ECT2: variants seen among roughly 807,000 people sequenced by gnomAD.
The protein encoded by ECT2 is protein ECT2.
Under a neutral mutation model 116.9 loss-of-function variants are expected in ECT2, and 61 were observed. That is an observed-to-expected ratio of 0.52 (90% confidence interval 0.42 to 0.65). ECT2 has a LOEUF of 0.65. ECT2 is among the 30% of genes least tolerant of loss of function. The pLI, the probability that ECT2 is intolerant of heterozygous loss-of-function variation, is 0.00. For missense variants in ECT2, 937 were observed against 1,078.7 expected (o/e 0.87, Z 1.84); for synonymous variants, 358 against 346.4 (o/e 1.03, Z -0.37).
intron 18 of ECT2, among the ~76,000 whole-genome samples, chr3:172,794,293 A>G (rs543327643): frequency 4.6e-5 from 7 of 152,332 alleles, no homozygotes; most frequent in African/African-American, 1.2e-4. Flanking sequence ...GGGGCATGGT[A>G]TAGATTGAAG....
Position 172,756,320 on chromosome 3 carries a change from G to A in ECT2, c.304-663G>A, listed in dbSNP as rs189587932. On this transcript the variant is annotated intron_variant, in intron 4 of 24. Transcript: ENST00000392692. ...AAAAATTTTTTTTTTAATTTAACAC[G>A]AGTTACAAGAGTTATATAGGTACTT... Among the ~76,000 whole-genome samples the A allele has an allele frequency of 3.6e-3, 542 of 151,968 alleles. 4 individuals are homozygous for A. The highest frequency in any genetic ancestry group is 0.012 in the African/African-American group (488 of 41,410).
chr3:172,819,403 A>G (rs1448812443), intron 24 of ECT2, among the ~76,000 whole-genome samples: 2 of 152,114 alleles, frequency 1.3e-5, no homozygotes, highest in African/African-American at 4.8e-5. Context: ...TTATTTTAAA[A>G]TTTTTAAGAC....
At chr3:172,828,829 C>T in the ECT2 span, 6 of 844,262 alleles carry the variant, frequency 7.1e-6, no homozygotes, top group Non-Finnish European at 1.2e-5. Context: ...AGAAGAGCTA[C>T]TGCCTGAGAG....
intron 18 of ECT2, among the ~76,000 whole-genome samples, chr3:172,802,285 T>G: frequency 6.6e-6 from 1 of 152,062 alleles, no homozygotes; most frequent in South Asian, 2.1e-4. Flanking sequence ...AGCTAATTTT[T>G]GTATTTTTAG....
chr3:172,767,314 G>A (rs1320421738), intron 12 of ECT2, among the ~76,000 whole-genome samples: 7 of 151,990 alleles, frequency 4.6e-5, no homozygotes, highest in African/African-American at 1.7e-4. Flanking sequence ...GGTGGTGTGC[G>A]CCTGTAATCC....
chr3:172,818,596 G>T, intron 24 of ECT2: 1 of 1,288,030 alleles, frequency 7.8e-7, no homozygotes, highest in South Asian at 1.2e-5. Flanking sequence ...TACTAAGCAT[G>T]TTTATGTTCA....
chr3:172,818,693 T>C, intron 24 of ECT2: 2 of 1,289,160 alleles, frequency 1.6e-6, no homozygotes, highest in Non-Finnish European at 2.0e-6. Context: ...TTTTCAGAGA[T>C]ACTAGAAGGA....
At chr3:172,828,969 A>T in the ECT2 span, 156 of 1,301,556 alleles carry the variant, frequency 1.2e-4, no homozygotes, top group African/African-American at 2.1e-3. Context: ...GCACCAATAA[A>T]TTGGTTGCTG....
intron 24 of ECT2, among the ~76,000 whole-genome samples, chr3:172,817,444 C>T (rs7650359): frequency 0.061 from 9,281 of 152,034 alleles, 952 homozygotes; most frequent in African/African-American, 0.21. Context: ...TGGCCTGTCA[C>T]TTTACTAATG....
chr3:172,812,556 A>G (rs1012123916), intron 22 of ECT2, among the ~76,000 whole-genome samples: 1 of 152,184 alleles, frequency 6.6e-6, no homozygotes, highest in African/African-American at 2.4e-5. Flanking sequence ...TTTATAGTTT[A>G]AAAATAAAAC....
chr3:172,788,962 G>T (rs914069226), intron 18 of ECT2, among the ~76,000 whole-genome samples: 1 of 150,634 alleles, frequency 6.6e-6, no homozygotes, highest in African/African-American at 2.4e-5. Context: ...GGAGGCTGAG[G>T]CATGAGAATC....
Position 172,764,399 on chromosome 3 carries a change from C to T in ECT2, c.1190C>T (p.Ser397Leu). 3 of 1,614,152 alleles carry T rather than the reference C, an allele frequency of 1.9e-6. No homozygotes were observed. In the East Asian group the frequency reaches 6.7e-5, roughly 36 times the overall value. The change falls in exon 12 of 25, where the codon TCA (serine) becomes TTA (leucine). Residue 397 changes from serine (S) to leucine (L), a missense_variant. Ser to Leu is a moderately radical substitution (Grantham distance 145). Transcript: ENST00000392692. ...LAQLSRETDV[S>L]PFPPRKRPSA... ...CAGCTTTCAAGAGAGACAGACGTGT[C>T]ACCATTTCCACCCCGTAAGCGCCCA...
rs1380115690 is a variant in ECT2 at position 172,782,168 on chromosome 3, T to C, written c.1554T>C (p.Asp518=). The change falls in exon 15 of 25, where the codon GAT becomes GAC. Residue 518 remains aspartate (D), a synonymous_variant. Coordinates refer to ENST00000392692, the MANE Select transcript of ECT2 (RefSeq NM_001258315.2). ...IFDVHTKIKD[D]LEDLIVNWDE... ...TTCAATTCGTGCTATTTCAGGATGA[T>C]CTTGAAGACCTTATAGTTAATTGGG... is the stretch of plus-strand genomic sequence containing the variant. The C allele has an allele frequency of 1.3e-6, 2 of 1,564,364 alleles. No individual in the cohort carries two copies. Among genetic ancestry groups the C allele is most frequent in the Non-Finnish European group, 1.7e-6 (2 of 1,150,758 alleles).
intron 13 of ECT2, 149 bp downstream of exon 13, chr3:172,769,292 T>G: frequency 1.4e-6 from 1 of 734,064 alleles, no homozygotes; most frequent in African/African-American, 1.8e-5. Context: ...AAAACTGCTG[T>G]TAGGGAAATG....
chr3:172,755,377 A>G lies in ECT2; in HGVS notation c.210+3A>G, dbSNP rs1039570138. The G allele has an allele frequency of 1.3e-6, 2 of 1,596,502 alleles. No homozygotes were observed. The highest frequency in any genetic ancestry group is 3.7e-5 in the Admixed American group (2 of 54,652). ...AAGAACTTATAAAAGCCTTAAAGGT[A>G]CGGAGTTTTAGGTTTTAGTTTTTTT... On this transcript the variant is annotated splice_donor_region_variant and intron_variant, in intron 3 of 24. Coordinates refer to ENST00000392692, the MANE Select transcript of ECT2 (RefSeq NM_001258315.2).
At chr3:172,786,357 GTGCTTAA>G in intron 17 of ECT2, 129 bp from the exon 18 acceptor site, 2 of 571,494 alleles carry the variant, frequency 3.5e-6, no homozygotes, top group Non-Finnish European at 6.1e-6. Context: ...TTAGGGAACA[GTGCTTAA>G]AACTTTTTAA....
chr3:172,766,007 G>A (rs562148674), intron 12 of ECT2, among the ~76,000 whole-genome samples: 5 of 152,282 alleles, frequency 3.3e-5, no homozygotes, highest in African/African-American at 9.6e-5. Context: ...TCTTACGATA[G>A]AAATTACAGT....
At chr3:172,781,281 A>C (rs1252237035) in intron 14 of ECT2, among the ~76,000 whole-genome samples, 1 of 152,198 alleles carries the variant, frequency 6.6e-6, no homozygotes, top group Non-Finnish European at 1.5e-5. Context: ...ACTGATTATC[A>C]TATCTGCTTC....
rs145558863 is a variant in ECT2 at position 172,787,199 on chromosome 3, A to G, written c.1907+625A>G. On this transcript the variant is annotated intron_variant, in intron 18 of 24. Transcript: ENST00000392692. ...AACTGTTTCTGGTTTGCCTCAGAGA[A>G]GGCACTTTAAGTGGACTGTATATAT... Among the ~76,000 whole-genome samples the G allele has an allele frequency of 1.2e-4, 19 of 152,274 alleles. No individual in the cohort carries two copies. In the East Asian group the frequency reaches 3.7e-3, roughly 29 times the overall value.
Sources: gnomAD v4.1 joint callset for allele counts (sites outside exome capture counted in the v4.1 genomes callset) on GRCh38, gnomAD v4.1.1 for gene constraint, MANE v1.5 for transcripts, NCBI Gene and HGNC (gene_info 2026-07-23, HGNC 2026-07-21) for gene names.